SLIT2: variants seen among roughly 807,000 people sequenced by gnomAD.
SLIT2 encodes the protein slit homolog 2 protein.
Under a neutral mutation model 185.7 loss-of-function variants are expected in SLIT2, and 41 were observed. The ratio of observed to expected loss-of-function variants is 0.22; its 90% CI spans 0.17 to 0.29. The LOEUF is 0.29. SLIT2 is among the 10% of genes least tolerant of loss of function. The probability of loss-of-function intolerance (pLI) is 1.00; values close to 1 mark genes in which losing one functional copy is unlikely to be tolerated. For synonymous variants in SLIT2, 693 were observed against 680.2 expected (o/e 1.02, Z -0.29); for missense variants, 1,571 against 1,909.0 (o/e 0.82, Z 3.30).
chr4:20,309,307 A>T (rs1362566456), intron 4 of SLIT2, among the ~76,000 whole-genome samples: 1 of 152,130 alleles, frequency 6.6e-6, no homozygotes, highest in African/African-American at 2.4e-5. Context: ...CTTTGCACTA[A>T]AATCCTCTAG....
intron 21 of SLIT2, among the ~76,000 whole-genome samples, chr4:20,545,455 T>A (rs1723163546): frequency 8.7e-6 from 1 of 115,474 alleles, no homozygotes; most frequent in Admixed American, 9.3e-5. Context: ...ATTATTGCTG[T>A]TACATATATA....
At chr4:20,506,284 G>A (rs888344291) in intron 9 of SLIT2, among the ~76,000 whole-genome samples, 6 of 151,912 alleles carry the variant, frequency 3.9e-5, no homozygotes, top group African/African-American at 1.4e-4. Context: ...AATTTTCTCC[G>A]AAGGACTGAC....
chr4:20,423,605 T>TCAAGA (rs1327063715), intron 4 of SLIT2, among the ~76,000 whole-genome samples: 1 of 152,152 alleles, frequency 6.6e-6, no homozygotes, highest in African/African-American at 2.4e-5. Context: ...ACAAGAGGTC[T>TCAAGA]GCCTTTGATT....
At chr4:20,256,589 A>C (rs1711871628) in intron 1 of SLIT2, 83 bp from the exon 2 acceptor site, 1 of 696,900 alleles carries the variant, frequency 1.4e-6, no homozygotes. Context: ...ATTAACTTTT[A>C]GTTCTGATTT....
At chr4:20,390,288 C>G (rs550734235) in intron 4 of SLIT2, among the ~76,000 whole-genome samples, 1 of 151,990 alleles carries the variant, frequency 6.6e-6, no homozygotes, top group African/African-American at 2.4e-5. Flanking sequence ...AAAAAATTGC[C>G]GTGCATTGAA....
rs576537137 is a variant in SLIT2, at chr4:20,254,469, G to A, written c.179+475G>A. 6.6e-6 allele frequency among the ~76,000 whole-genome samples: 1 copy of A among 152,154 alleles called. No individual in the cohort carries two copies. Among genetic ancestry groups the A allele is most frequent in the East Asian group, 1.9e-4 (1 of 5,138 alleles). On this transcript the variant is annotated intron_variant, in intron 1 of 36. Transcript: ENST00000504154. The surrounding 1 kb of genome is among the most constrained non-coding windows in gnomAD (Gnocchi z 5.1). ...CAAAAGAGAGAAACTTGCCTTCCCC[G>A]ATTTTTTGTCACCCTCCTGGGGGCG...
intron 15 of SLIT2, among the ~76,000 whole-genome samples, chr4:20,527,488 C>T (rs564157687): frequency 1.3e-5 from 2 of 152,158 alleles, no homozygotes; most frequent in East Asian, 1.9e-4. Flanking sequence ...GGTTTTCACC[C>T]GTCAGGTGAA....
intron 32 of SLIT2, among the ~76,000 whole-genome samples, chr4:20,596,931 G>T (rs1324548055): frequency 6.6e-6 from 1 of 151,948 alleles, no homozygotes; most frequent in Non-Finnish European, 1.5e-5. Flanking sequence ...AAAAACATTT[G>T]ATTCATTTGC....
At chr4:20,600,584 G>A (rs1447495263) in intron 33 of SLIT2, among the ~76,000 whole-genome samples, 2 of 151,694 alleles carry the variant, frequency 1.3e-5, no homozygotes, top group African/African-American at 4.8e-5. Flanking sequence ...CACTATGCCT[G>A]GCTAATCTTT....
chr4:20,394,194 T>C (rs982800416), intron 4 of SLIT2, among the ~76,000 whole-genome samples: 12 of 150,384 alleles, frequency 8.0e-5, no homozygotes, highest in African/African-American at 2.7e-4. Flanking sequence ...GGGTTTTCAA[T>C]GAAAAAAAAA....
chr4:20,368,777 G>C (rs914949127), intron 4 of SLIT2, among the ~76,000 whole-genome samples: 1 of 152,110 alleles, frequency 6.6e-6, no homozygotes, highest in Non-Finnish European at 1.5e-5. Flanking sequence ...GACATCGTTT[G>C]CTCTGAGGAA....
At chr4:20,507,868 G>A (rs1719349735) in intron 9 of SLIT2, among the ~76,000 whole-genome samples, 1 of 151,806 alleles carries the variant, frequency 6.6e-6, no homozygotes, top group Admixed American at 6.6e-5. Flanking sequence ...AATTGACCAA[G>A]ACATGAAGAA....
chr4:20,506,835 C>G (rs1470374222), intron 9 of SLIT2, among the ~76,000 whole-genome samples: 1 of 151,966 alleles, frequency 6.6e-6, no homozygotes, highest in Non-Finnish European at 1.5e-5. Flanking sequence ...ATCTGTCCCT[C>G]TGAATGAAGG....
At position 20,368,343 on chromosome 4, in the gene SLIT2, TA is replaced by T. The variant is rs571266039; in HGVS notation, c.396-99400del. ...AAGAAAGTATAATAATAATAAAATT[TA>T]AAAAAAAAGATTAACAGAAAACAAA... On this transcript the variant is annotated intron_variant, in intron 4 of 36. Coordinates refer to ENST00000504154, the MANE Select transcript of SLIT2 (RefSeq NM_004787.4). 6.2e-3 allele frequency among the ~76,000 whole-genome samples: 918 copies of T among 149,008 alleles called. 8 individuals are homozygous for T. The highest frequency in any genetic ancestry group is 0.021 in the African/African-American group (853 of 40,722).
At chr4:20,573,577 C>A (rs1725813791) in intron 29 of SLIT2, among the ~76,000 whole-genome samples, 1 of 152,056 alleles carries the variant, frequency 6.6e-6, no homozygotes, top group South Asian at 2.1e-4. Context: ...TATATTCTTT[C>A]ACTTTTTAAA....
intron 4 of SLIT2, among the ~76,000 whole-genome samples, chr4:20,271,491 TTA>T (rs1160770655): frequency 2.0e-4 from 18 of 89,774 alleles, no homozygotes; most frequent in Non-Finnish European, 2.2e-4. Context: ...TATTTATATA[TTA>T]TATATATATA....
intron 4 of SLIT2, among the ~76,000 whole-genome samples, chr4:20,348,965 A>G (rs1044708992): frequency 3.3e-5 from 5 of 152,214 alleles, no homozygotes; most frequent in African/African-American, 1.2e-4. Flanking sequence ...TGATGTTCTA[A>G]TTAGCCTGAC....
intron 29 of SLIT2, among the ~76,000 whole-genome samples, chr4:20,570,737 A>ATATATATATATATATATATG (rs1725526477): frequency 1.2e-4 from 9 of 77,286 alleles, no homozygotes; most frequent in African/African-American, 3.1e-4. Flanking sequence ...ATATGTATAT[A>ATATATATATATATATATATG]TATATATATA....
chr4:20,294,252 C>A (rs923735935), intron 4 of SLIT2, among the ~76,000 whole-genome samples: 1 of 151,564 alleles, frequency 6.6e-6, no homozygotes, highest in Non-Finnish European at 1.5e-5. Flanking sequence ...ATGAGTCTGA[C>A]GCACAAGAAT....
Sources: allele counts gnomAD v4.1 joint callset (sites outside exome capture counted in the v4.1 genomes callset), GRCh38; gene constraint gnomAD v4.1.1; non-coding constraint Gnocchi (gnomAD v3.1); transcripts MANE v1.5; gene names NCBI Gene and HGNC (gene_info 2026-07-23, HGNC 2026-07-21).